AKAP9: variants seen among roughly 807,000 people sequenced by gnomAD.
The protein encoded by AKAP9 is A-kinase anchoring protein 9, also known as A-kinase anchor protein 9.
AKAP9 carries 311 observed loss-of-function variants against 488.5 expected under a neutral mutation model. The ratio of observed to expected loss-of-function variants is 0.64; its 90% CI spans 0.58 to 0.70. AKAP9 has a LOEUF of 0.70. Among genes scored for constraint, AKAP9 ranks in the 30% least tolerant of loss-of-function variants. AKAP9 has a pLI of 0.00. For missense variants in AKAP9, 4,215 were observed against 4,374.5 expected, an observed-to-expected ratio of 0.96 and a Z score of 1.03; for synonymous variants, 1,462 against 1,483.5, an observed-to-expected ratio of 0.99 and a Z score of 0.33.
intron 15 of AKAP9, 122 bp downstream of exon 15, chr7:92,030,113 A>G: frequency 1.4e-6 from 1 of 700,806 alleles, no homozygotes; most frequent in Non-Finnish European, 2.4e-6. Flanking sequence ...ATATGAGGAT[A>G]ATGCCTTATA....
chr7:91,974,365 A>G (rs1183832743), intron 2 of AKAP9, among the ~76,000 whole-genome samples: 1 of 152,250 alleles, frequency 6.6e-6, no homozygotes, highest in Non-Finnish European at 1.5e-5. Flanking sequence ...AGTTGTACCA[A>G]TACCATTTGT....
At chr7:92,048,573 T>C (rs1448841786) in intron 21 of AKAP9, among the ~76,000 whole-genome samples, 1 of 152,194 alleles carries the variant, frequency 6.6e-6, no homozygotes, top group East Asian at 1.9e-4. Context: ...TGGAATCTTG[T>C]CTGCTGCTGC....
At chr7:92,095,904 T>G (rs1816487451) in intron 40 of AKAP9, among the ~76,000 whole-genome samples, 1 of 152,198 alleles carries the variant, frequency 6.6e-6, no homozygotes, top group Admixed American at 6.5e-5. Context: ...CATTAAAAGT[T>G]TATGTATATT....
Position 92,102,200 on chromosome 7 carries a change from AATAG to A in AKAP9, c.11098-387_11098-384del, listed in dbSNP as rs1181056107. Among the ~76,000 whole-genome samples the A allele has an allele frequency of 3.5e-3, 486 of 138,930 alleles. 2 individuals are homozygous for A. The highest frequency in any genetic ancestry group is 0.012 in the African/African-American group (379 of 31,552). 91.1% of individuals were successfully genotyped at this position (138,930 alleles called of 152,430 possible). Reference sequence around the variant, plus strand: ...AAATAAATAAATAAATAAATAAATAAATAGATAGATTAGTGACCCTAATAAAAAT... The same window carrying A: ...AAATAAATAAATAAATAAATAAATAAATAGATTAGTGACCCTAATAAAAAT... On this transcript the variant is annotated intron_variant, in intron 45 of 49. Coordinates refer to ENST00000356239, the MANE Select transcript of AKAP9 (RefSeq NM_005751.5).
chr7:91,995,549 C>G (rs1798291765), intron 6 of AKAP9, 54 bp from the exon 7 acceptor site: 3 of 1,531,458 alleles, frequency 2.0e-6, no homozygotes, highest in South Asian at 1.1e-5. Context: ...GGTGTCTGTT[C>G]CCTAATACAG....
chr7:92,066,029 G>A (rs1461603312), intron 25 of AKAP9, among the ~76,000 whole-genome samples: 1 of 151,956 alleles, frequency 6.6e-6, no homozygotes, highest in Non-Finnish European at 1.5e-5. Flanking sequence ...ACCTAGATTA[G>A]GATTCAAGAA....
At chr7:91,970,433 A>G (rs1293685553) in intron 1 of AKAP9, 4 of 454,594 alleles carry the variant, frequency 8.8e-6, no homozygotes, top group African/African-American at 8.0e-5. Flanking sequence ...GTATACCTTT[A>G]CATGTTTTGT....
At chr7:92,061,011 G>A (rs923728561) in intron 22 of AKAP9, among the ~76,000 whole-genome samples, 3 of 152,122 alleles carry the variant, frequency 2.0e-5, no homozygotes, top group Non-Finnish European at 4.4e-5. Context: ...GTATCCAAAA[G>A]AAGCATATTC....
At chr7:91,985,471 A>G (rs746074009) in intron 3 of AKAP9, among the ~76,000 whole-genome samples, 27 of 152,102 alleles carry the variant, frequency 1.8e-4, no homozygotes, top group Non-Finnish European at 3.7e-4. Flanking sequence ...AGCTGACTTG[A>G]TCACGGTGGA....
intron 21 of AKAP9, among the ~76,000 whole-genome samples, chr7:92,049,521 G>A (rs966952672): frequency 6.6e-6 from 1 of 152,124 alleles, no homozygotes; most frequent in African/African-American, 2.4e-5. Flanking sequence ...TAAGGCAAGA[G>A]AATGACGTGA....
intron 24 of AKAP9, 54 bp downstream of exon 24, chr7:92,062,540 T>C: frequency 6.6e-7 from 1 of 1,518,136 alleles, no homozygotes; most frequent in Non-Finnish European, 9.1e-7. Context: ...TTTGTATTCT[T>C]CAAAGGCTTA....
At position 92,089,523 on chromosome 7, in the gene AKAP9, A is replaced by T. The variant is rs1815169853; in HGVS notation, c.9352A>T (p.Ser3118Cys). The T allele has an allele frequency of 6.2e-7, 1 of 1,613,368 alleles. No individual in the cohort carries two copies. The highest frequency in any genetic ancestry group is 8.5e-7 in the Non-Finnish European group (1 of 1,179,580). ...LKREQESEKPSQELLEYNIQQ... is the reference protein window; with the variant it reads ...LKREQESEKPCQELLEYNIQQ... ...AAGAGAACAAGAGAGTGAGAAACCA[A>T]GCCAAGGTATGTTGTATGACAAGCT... Residue 3118 changes from serine to cysteine, a missense_variant, in exon 38 of 50, where the codon AGC (serine) becomes TGC (cysteine). Ser to Cys is a moderately radical substitution (Grantham distance 112, BLOSUM62 -1). Around this residue, in one of 5 missense-constraint regions of AKAP9, gnomAD observed 1,476 missense variants for 1,477.4 expected, o/e 1.00. Transcript: ENST00000356239.
rs1563104273 is a variant in AKAP9, at chr7:92,079,805, C to A, written c.7672C>A (p.Gln2558Lys). 6.2e-7 allele frequency: 1 copy of A among 1,614,004 alleles called. No individual in the cohort carries two copies. The highest frequency in any genetic ancestry group is 1.1e-5 in the South Asian group (1 of 91,026). ...EEKVAAALVS[Q>K]IQLEAVQEYA... ...AAAAGTGGCTGCTGCTCTTGTCAGT[C>A]AAATCCAACTTGAGGCAGTTCAGGA... Residue 2558 changes from glutamine to lysine, a missense_variant, in exon 31 of 50, where the codon CAA (glutamine) becomes AAA (lysine). Physicochemically the swap from Gln to Lys is moderately conservative, Grantham distance 53 (BLOSUM62 1). Coordinates refer to ENST00000356239, the MANE Select transcript of AKAP9 (RefSeq NM_005751.5).
At chr7:92,104,214 A>T (rs1818137120) in intron 46 of AKAP9, among the ~76,000 whole-genome samples, 1 of 146,412 alleles carries the variant, frequency 6.8e-6, no homozygotes, top group South Asian at 2.1e-4. Context: ...TTTTTGAGAC[A>T]GAGTCTTGCT....
intron 9 of AKAP9, among the ~76,000 whole-genome samples, chr7:92,013,112 C>T (rs1315562183): frequency 1.3e-5 from 2 of 148,204 alleles, no homozygotes; most frequent in African/African-American, 2.5e-5. Flanking sequence ...CTGCCTCAGC[C>T]TCCCAAGTAG....
chr7:91,978,101 G>A (rs1023626752), intron 2 of AKAP9, among the ~76,000 whole-genome samples: 3 of 152,022 alleles, frequency 2.0e-5, no homozygotes, highest in South Asian at 2.1e-4. Flanking sequence ...AATTAACTGG[G>A]CATGTTGGTG....
Position 92,085,669 on chromosome 7 carries a change from C to T in AKAP9, c.9007C>T (p.Leu3003=). 2.5e-6 allele frequency: 4 copies of T among 1,612,800 alleles called. No individual in the cohort carries two copies. Among genetic ancestry groups the T allele is most frequent in the Non-Finnish European group, 3.4e-6 (4 of 1,179,542 alleles). Reference sequence around the variant, plus strand: ...AAAGGATTTAATTACAAAGATGCAACTGCAAAGAGAAGCCGAGGTAACCAA... The same window carrying T: ...AAAGGATTTAATTACAAAGATGCAATTGCAAAGAGAAGCCGAGGTAACCAA... ...SLKDLITKMQ[L]QREAEVYDSS... is the part of the protein sequence containing the mutation. The change falls in exon 36 of 50, where the codon CTG becomes TTG. Residue 3003 remains leucine (L), a synonymous_variant. Transcript: ENST00000356239.
At chr7:91,993,253 A>T (rs949198340) in intron 5 of AKAP9, among the ~76,000 whole-genome samples, 198 bp downstream of exon 5, 3 of 149,124 alleles carry the variant, frequency 2.0e-5, no homozygotes, top group Non-Finnish European at 4.4e-5. Flanking sequence ...TAGTGGTGCA[A>T]TCTCGGCCCA....
intron 28 of AKAP9, among the ~76,000 whole-genome samples, chr7:92,074,472 G>A (rs375128450): frequency 1.3e-5 from 2 of 152,282 alleles, no homozygotes; most frequent in East Asian, 1.9e-4. Context: ...CAAGGATCTA[G>A]AACCAGAAAT....
Sources: allele counts gnomAD v4.1 joint callset (sites outside exome capture counted in the v4.1 genomes callset), GRCh38; gene constraint gnomAD v4.1.1; regional missense constraint gnomAD v4.1.1; transcripts MANE v1.5; gene names NCBI Gene and HGNC (gene_info 2026-07-23, HGNC 2026-07-21).